Variants in CELF3 observed in about 807,000 individuals in gnomAD.
CELF3 encodes CAG repeat domain.
A neutral mutation model predicts 59.6 loss-of-function variants in CELF3; 26 were observed. The observed-to-expected ratio is 0.44, with a 90% CI of 0.32 to 0.61. The LOEUF is 0.61. Among genes scored for constraint, CELF3 ranks in the 20% least tolerant of loss-of-function variants. The pLI is 0.06. For synonymous variants in CELF3, 245 were observed against 250.7 expected (o/e 0.98, Z 0.22); for missense variants, 387 against 627.2 (o/e 0.62, Z 4.09).
Position 151,707,234 on chromosome 1 carries a change from C to T in CELF3, c.833G>A (p.Gly278Asp). ...TPVSAIPAAL[G>D]VNGYSPVPTQ... ...GGGCACCGGGCTGTAGCCGTTGACGCCCAGGGCAGCCGGAATGGCAGAGAC... is the reference window on the plus strand; with the variant it reads ...GGGCACCGGGCTGTAGCCGTTGACGTCCAGGGCAGCCGGAATGGCAGAGAC... The change falls in exon 8 of 13, where the codon GGC becomes GAC. Residue 278 changes from glycine (G) to aspartate (D), a missense_variant. Gly to Asp is a moderately conservative substitution (Grantham distance 94, BLOSUM62 -1). Around this residue, in one of 3 missense-constraint regions of CELF3, gnomAD observed 131 missense variants for 153.7 expected, o/e 0.85. Coordinates refer to ENST00000290583, the MANE Select transcript of CELF3 (RefSeq NM_007185.7). 1 of 1,553,890 alleles carries T rather than the reference C, an allele frequency of 6.4e-7. No individual in the cohort carries two copies. The highest frequency in any genetic ancestry group is 8.7e-7 in the Non-Finnish European group (1 of 1,152,822).
chr1:151,713,928 C>T (rs976292131), intron 2 of CELF3, among the ~76,000 whole-genome samples: 1 of 152,210 alleles, frequency 6.6e-6, no homozygotes, highest in Non-Finnish European at 1.5e-5. Context: ...CCTCTGAGGC[C>T]ACCCCTGCCT....
Position 151,703,450 on chromosome 1 carries a change from T to G in CELF3, c.*11-2A>C. ...CCCCTTCCTCTGGGATCTCCAGACCTGTGAAGGAAGAAACATGGGTGAAGC... is the reference window on the plus strand; with the variant it reads ...CCCCTTCCTCTGGGATCTCCAGACCGGTGAAGGAAGAAACATGGGTGAAGC... On this transcript the variant is annotated splice_acceptor_variant, in intron 12 of 12. Transcript: ENST00000290583. LOFTEE classifies it low-confidence loss of function (3UTR_SPLICE). The G allele has an allele frequency of 8.9e-6, 3 of 337,474 alleles. No individual in the cohort carries two copies. The highest frequency in any genetic ancestry group is 4.5e-5 in the South Asian group (2 of 44,808). The allele number at this position is 337,474 out of a possible 1,614,324, so 20.9% of individuals were successfully genotyped here.
In CELF3 at chr1:151,705,672, C is replaced by T; in HGVS notation, c.1270+150G>A. 1 of 826,934 alleles carries T rather than the reference C, an allele frequency of 1.2e-6. No individual in the cohort carries two copies. Among genetic ancestry groups the T allele is most frequent in the Non-Finnish European group, 1.9e-6 (1 of 530,946 alleles). The allele number at this position is 826,934 out of a possible 1,614,324, so 51.2% of individuals were successfully genotyped here. ...GGGCCGAGGCAGCAGCTGGGTGTGGCATGTTGGGTGTGTCAAAATGGCTCT... is the reference window on the plus strand; with the variant it reads ...GGGCCGAGGCAGCAGCTGGGTGTGGTATGTTGGGTGTGTCAAAATGGCTCT... On this transcript the variant is annotated intron_variant, in intron 11 of 12. Coordinates refer to ENST00000290583, the MANE Select transcript of CELF3 (RefSeq NM_007185.7). This position sits in a 1 kb window ranked among gnomAD's most constrained non-coding sequence, Gnocchi z 5.1.
chr1:151,700,651 A>G lies in CELF3; in HGVS notation c.*2808T>C, dbSNP rs931723569. 2.0e-5 allele frequency among the ~76,000 whole-genome samples: 3 copies of G among 152,262 alleles called. No homozygotes were observed. Among genetic ancestry groups the G allele is most frequent in the Admixed American group, 1.3e-4 (2 of 15,288 alleles). The stretch of plus-strand genomic sequence containing the variant: ...CAGAAGGACCAATTAGGAAATTGCT[A>G]TGATTACTCAGTTAATAAGTGTAGG... On this transcript the variant is annotated 3_prime_UTR_variant, in exon 13 of 13. Coordinates refer to ENST00000290583, the MANE Select transcript of CELF3 (RefSeq NM_007185.7).
At position 151,702,882 on chromosome 1, in the gene CELF3, C is replaced by T; in HGVS notation, c.*577G>A. On this transcript the variant is annotated 3_prime_UTR_variant, in exon 13 of 13. Coordinates refer to ENST00000290583, the MANE Select transcript of CELF3 (RefSeq NM_007185.7). ...GGCTGACTGGCAGAGAGGCAGCCCT[C>T]AGGGCTCCCCCACACCCTCCTTAGA... The T allele has an allele frequency of 4.0e-6, 1 of 252,738 alleles. No individual in the cohort carries two copies. The highest frequency in any genetic ancestry group is 8.1e-6 in the Non-Finnish European group (1 of 123,586). 15.7% of individuals were successfully genotyped at this position (252,738 alleles called of 1,614,324 possible).
intron 1 of CELF3, 68 bp from the exon 2 acceptor site, chr1:151,714,744 T>C: frequency 1.7e-6 from 2 of 1,151,620 alleles, no homozygotes; most frequent in Non-Finnish European, 2.5e-6. Flanking sequence ...TCTGAAAGGC[T>C]CCCTTCCAAA....
chr1:151,709,882 G>T lies in CELF3; in HGVS notation c.229-91C>A. ...CAGGCCCTGCAGAGAGACTAGAGGGGCAAGCCCCAGGCCCTCTAAGTTTCT... is the reference window on the plus strand; with the variant it reads ...CAGGCCCTGCAGAGAGACTAGAGGGTCAAGCCCCAGGCCCTCTAAGTTTCT... On this transcript the variant is annotated intron_variant, in intron 2 of 12. Transcript: ENST00000290583. The surrounding 1 kb of genome is among the most constrained non-coding windows in gnomAD (Gnocchi z 4.9). The T allele has an allele frequency of 8.2e-7, 1 of 1,226,922 alleles. No homozygotes were observed. Among genetic ancestry groups the T allele is most frequent in the Non-Finnish European group, 1.2e-6 (1 of 827,130 alleles). The allele number at this position is 1,226,922 out of a possible 1,614,324, so 76.0% of individuals were successfully genotyped here.
rs757437858 is a variant in CELF3, at chr1:151,707,632, G to A, written c.647C>T (p.Ala216Val). The change falls in exon 7 of 13, where the codon GCG (alanine) becomes GTG (valine). Residue 216 changes from alanine to valine, a missense_variant. This residue lies in a region of CELF3 where 208 missense variants were observed against 354.8 expected (regional missense o/e 0.59). Coordinates refer to ENST00000290583, the MANE Select transcript of CELF3 (RefSeq NM_007185.7). ...GGCACTGTGAGCCGCTACCAGGGCC[G>A]CCTGCTGCTGCATCAGCTGGGGGGA... is the stretch of plus-strand genomic sequence containing the variant. ...AYTQALMQQQAALVAAHSAYL... is the reference protein window; with the variant it reads ...AYTQALMQQQVALVAAHSAYL... 1.3e-5 allele frequency: 21 copies of A among 1,606,106 alleles called. No homozygotes were observed. Among genetic ancestry groups the A allele is most frequent in the Non-Finnish European group, 1.7e-5 (20 of 1,177,562 alleles).
Position 151,703,423 on chromosome 1 carries a change from C to T in CELF3, c.*36G>A, listed in dbSNP as rs538199752. 7 of 363,748 alleles carry T rather than the reference C, an allele frequency of 1.9e-5. No homozygotes were observed. The highest frequency in any genetic ancestry group is 1.0e-3 in the Middle Eastern group (1 of 994). 22.5% of individuals were successfully genotyped at this position (363,748 alleles called of 1,614,324 possible). On this transcript the variant is annotated 3_prime_UTR_variant, in exon 13 of 13. Coordinates refer to ENST00000290583, the MANE Select transcript of CELF3 (RefSeq NM_007185.7). ...CCAGTCGTGGGAAGAGGGTGTGAGG[C>T]GCCCCTTCCTCTGGGATCTCCAGAC...
In CELF3 at chr1:151,705,096, A is replaced by G; in HGVS notation, c.1343T>C (p.Met448Thr). The G allele has an allele frequency of 6.2e-7, 1 of 1,614,018 alleles. No homozygotes were observed. Among genetic ancestry groups the G allele is most frequent in the African/African-American group, 1.3e-5 (1 of 75,062 alleles). ...CTTTAGCTGGACTTTGAGGCGCTTCATGCCGATCTGGAAGCCATTCATGGC... is the reference window on the plus strand; with the variant it reads ...CTTTAGCTGGACTTTGAGGCGCTTCGTGCCGATCTGGAAGCCATTCATGGC... ...IQAMNGFQIG[M>T]KRLKVQLKRP... The change falls in exon 12 of 13, where the codon ATG (methionine) becomes ACG (threonine). Residue 448 changes from methionine to threonine, a missense_variant. This residue lies in a region of CELF3 where 48 missense variants were observed against 118.8 expected (regional missense o/e 0.40). Transcript: ENST00000290583. The surrounding 1 kb of genome is among the most constrained non-coding windows in gnomAD (Gnocchi z 5.1).
chr1:151,708,908 C>A (rs529234311), intron 5 of CELF3, 90 bp downstream of exon 5: 3 of 1,150,238 alleles, frequency 2.6e-6, no homozygotes, highest in East Asian at 2.4e-5. Flanking sequence ...TTCAAATAGC[C>A]CATCCTGAGT....
At chr1:151,710,529 TG>T (rs1180266264) in intron 2 of CELF3, 1 of 187,450 alleles carries the variant, frequency 5.3e-6, no homozygotes, top group Non-Finnish European at 1.1e-5. Context: ...GGCTGGGAGG[TG>T]GGGGAGGGGC....
rs1184710284 is a variant in CELF3, at chr1:151,707,612, T to C, written c.667A>G (p.Ser223Gly). The change falls in exon 7 of 13, where the codon AGT becomes GGT. Residue 223 changes from serine to glycine, a missense_variant. By Grantham distance (56) the Ser-to-Gly change is moderately conservative. This residue lies in a region of CELF3 where 208 missense variants were observed against 354.8 expected (regional missense o/e 0.59). Transcript: ENST00000290583. Reference sequence around the variant, plus strand: ...GTGGCCATGGGGCTGAGGTAGGCACTGTGAGCCGCTACCAGGGCCGCCTGC... The same window carrying C: ...GTGGCCATGGGGCTGAGGTAGGCACCGTGAGCCGCTACCAGGGCCGCCTGC... ...QQQAALVAAH[S>G]AYLSPMATMA... is the part of the protein sequence containing the mutation. 1 of 1,607,460 alleles carries C rather than the reference T, an allele frequency of 6.2e-7. No individual in the cohort carries two copies. Among genetic ancestry groups the C allele is most frequent in the Non-Finnish European group, 8.5e-7 (1 of 1,178,002 alleles).
At chr1:151,714,825 G>T (rs1312624923) in intron 1 of CELF3, 149 bp from the exon 2 acceptor site, 4 of 637,144 alleles carry the variant, frequency 6.3e-6, no homozygotes, top group Non-Finnish European at 1.1e-5. Context: ...TCTCCAAGGG[G>T]TAGACTCTCT....
chr1:151,713,605 C>T (rs41263702), intron 2 of CELF3: 54,473 of 152,012 alleles, frequency 0.36, 12,435 homozygotes, highest in Non-Finnish European at 0.52. Flanking sequence ...CCCAGGGATA[C>T]GTGTGCCCAA....
chr1:151,715,692 T>C (rs957470771), intron 1 of CELF3, 184 bp downstream of exon 1: 36 of 1,535,708 alleles, frequency 2.3e-5, no homozygotes, highest in Admixed American at 1.9e-5. Flanking sequence ...CCTTAGTCCT[T>C]CACCGGGGTT....
At chr1:151,711,579 C>T (rs1673022669) in intron 2 of CELF3, among the ~76,000 whole-genome samples, 1 of 152,234 alleles carries the variant, frequency 6.6e-6, no homozygotes, top group Admixed American at 6.5e-5. Context: ...GGCTCAATCT[C>T]CTTAGGCATG....
intron 1 of CELF3, among the ~76,000 whole-genome samples, chr1:151,715,162 G>A (rs1016476187): frequency 6.6e-6 from 1 of 152,048 alleles, no homozygotes; most frequent in South Asian, 2.1e-4. Flanking sequence ...TTAGTTAGCC[G>A]GAAGTGCCTC....
At position 151,702,682 on chromosome 1, in the gene CELF3, G is replaced by A. The variant is rs1672167340; in HGVS notation, c.*777C>T. 6.5e-6 allele frequency: 1 copy of A among 154,304 alleles called. No homozygotes were observed. Among genetic ancestry groups the A allele is most frequent in the African/African-American group, 2.4e-5 (1 of 41,394 alleles). 9.6% of individuals were successfully genotyped at this position (154,304 alleles called of 1,614,324 possible). A position where few individuals can be genotyped will look rare whatever the true frequency, so the allele number is the denominator to read the frequency against. On this transcript the variant is annotated 3_prime_UTR_variant, in exon 13 of 13. Transcript: ENST00000290583. ...ATTAAGAGAGAGAAAAAAATCCAAG[G>A]GCAACATTGTCTAAACTCCCAGAAA... is the stretch of plus-strand genomic sequence containing the variant.
Sources: allele counts gnomAD v4.1 joint callset (sites outside exome capture counted in the v4.1 genomes callset), GRCh38; gene constraint gnomAD v4.1.1; regional missense constraint gnomAD v4.1.1; non-coding constraint Gnocchi (gnomAD v3.1); transcripts MANE v1.5; gene names NCBI Gene and HGNC (gene_info 2026-07-23, HGNC 2026-07-21).